The following CEP85L variants were observed in gnomAD, a reference collection of about 807,000 sequenced individuals.
CEP85L encodes centrosomal protein of 85 kDa-like.
CEP85L carries 60 observed loss-of-function variants against 100.3 expected under a neutral mutation model. The observed-to-expected ratio is 0.60, with a 90% CI of 0.49 to 0.74. CEP85L has a LOEUF of 0.74. Among genes scored for constraint, CEP85L ranks in the 30% least tolerant of loss-of-function variants. CEP85L has a pLI of 0.00. For synonymous variants in CEP85L, 319 were observed against 322.7 expected (o/e 0.99, Z 0.12); for missense variants, 973 against 936.2 (o/e 1.04, Z -0.51).
intron 1 of CEP85L, among the ~76,000 whole-genome samples, chr6:118,634,289 A>C (rs925509788): frequency 1.3e-5 from 2 of 152,200 alleles, no homozygotes; most frequent in African/African-American, 2.4e-5. Context: ...GTTGTTCTCT[A>C]TGTCAGTATT....
intron 1 of CEP85L, among the ~76,000 whole-genome samples, chr6:118,680,867 C>A (rs981616773): frequency 1.6e-5 from 2 of 128,316 alleles, no homozygotes; most frequent in African/African-American, 6.4e-5. Flanking sequence ...CACAGTGAGA[C>A]CTTGTGTCAA....
intron 1 of CEP85L, among the ~76,000 whole-genome samples, chr6:118,665,622 G>T (rs1776110554): frequency 6.6e-6 from 1 of 152,008 alleles, no homozygotes; most frequent in Non-Finnish European, 1.5e-5. Context: ...GCCTCCCAAA[G>T]TGCTGGAATT....
At chr6:118,666,211 T>C (rs1386137465) in intron 1 of CEP85L, among the ~76,000 whole-genome samples, 1 of 152,240 alleles carries the variant, frequency 6.6e-6, no homozygotes, top group Non-Finnish European at 1.5e-5. Context: ...TGTTTTATTA[T>C]GCAAAGCATT....
In CEP85L at chr6:118,565,663, TC is replaced by T; in HGVS notation, c.885del (p.Thr296LeufsTer25). 2.5e-6 allele frequency: 4 copies of T among 1,614,144 alleles called. 1 individual carries two copies. The South Asian group carries it at 4.4e-5, about 18-fold the overall frequency. On this transcript the variant is annotated frameshift_variant, in exon 3 of 13. Transcript: ENST00000368491. LOFTEE classifies it high-confidence loss of function. ...VGGVPIQPSV[R>X]TQMWLTEQLR... Reference sequence around the variant, plus strand: ...AGCTGCTCTGTAAGCCACATCTGAGTCCTTACGGAAGGCTGAATGGGAACTC... The same window carrying T: ...AGCTGCTCTGTAAGCCACATCTGAGTCTTACGGAAGGCTGAATGGGAACTC...
Position 118,523,845 on chromosome 6 carries a change from T to C in CEP85L, c.1096A>G (p.Ile366Val). Residue 366 changes from isoleucine (I) to valine (V), a missense_variant, in exon 4 of 13, where the codon ATA (isoleucine) becomes GTA (valine). Around this residue, in one of 3 missense-constraint regions of CEP85L, gnomAD observed 890 missense variants for 844.5 expected, o/e 1.05. Coordinates refer to ENST00000368491, the MANE Select transcript of CEP85L (RefSeq NM_001042475.3). Reference sequence around the variant, plus strand: ...TTCTGCCTTAGAAGTCCTTCTTTTATTTTCAACATTGATTCCCACTTACTG... The same window carrying C: ...TTCTGCCTTAGAAGTCCTTCTTTTACTTTCAACATTGATTCCCACTTACTG... Reference protein sequence around the residue: ...DFSKWESMLKIKEGLLRQKEI... With the variant: ...DFSKWESMLKVKEGLLRQKEI... 2 of 1,605,410 alleles carry C rather than the reference T, an allele frequency of 1.2e-6. No homozygotes were observed. Among genetic ancestry groups the C allele is most frequent in the Non-Finnish European group, 1.7e-6 (2 of 1,172,820 alleles).
At chr6:118,508,939 C>A (rs552410315) in intron 5 of CEP85L, among the ~76,000 whole-genome samples, 2 of 152,036 alleles carry the variant, frequency 1.3e-5, no homozygotes, top group African/African-American at 4.8e-5. Flanking sequence ...CTAACCCTCA[C>A]CATTTTATTG....
chr6:118,699,383 A>G (rs1421248001), intron 1 of CEP85L, among the ~76,000 whole-genome samples: 2 of 150,042 alleles, frequency 1.3e-5, no homozygotes, highest in Admixed American at 1.3e-4. Flanking sequence ...TGAGCCCAGG[A>G]GGTCAAGGCT....
chr6:118,590,644 T>A (rs923827603), intron 2 of CEP85L, among the ~76,000 whole-genome samples: 1 of 151,872 alleles, frequency 6.6e-6, no homozygotes, highest in Non-Finnish European at 1.5e-5. Context: ...ACACTCGGAG[T>A]TCCCCCTCTC....
chr6:118,641,474 G>A (rs1481161695), intron 1 of CEP85L, among the ~76,000 whole-genome samples: 2 of 152,114 alleles, frequency 1.3e-5, no homozygotes, highest in Non-Finnish European at 2.9e-5. Flanking sequence ...TAACATACAG[G>A]TTAACACTAG....
intron 1 of CEP85L, among the ~76,000 whole-genome samples, chr6:118,638,243 T>C (rs1774639666): frequency 6.6e-6 from 1 of 151,968 alleles, no homozygotes. Context: ...ACTATATAAA[T>C]TGATCTCCTC....
chr6:118,630,002 T>A (rs909648351), intron 2 of CEP85L, among the ~76,000 whole-genome samples: 1 of 152,224 alleles, frequency 6.6e-6, no homozygotes, highest in African/African-American at 2.4e-5. Flanking sequence ...AAAGATTTTC[T>A]TCTTGATAAG....
rs1780769808 is a variant in CEP85L, at chr6:118,584,880, G to A, written c.233-18564C>T. On this transcript the variant is annotated intron_variant, in intron 2 of 12. Coordinates refer to ENST00000368491, the MANE Select transcript of CEP85L (RefSeq NM_001042475.3). ...TTAAATATCAGGCCCTGCTGTTAAA[G>A]GGTTCCAACATCCAATTAAAGAATT... Among the ~76,000 whole-genome samples, 3 of 152,234 alleles carry A rather than the reference G, an allele frequency of 2.0e-5. No individual in the cohort carries two copies. The South Asian group carries it at 6.2e-4, about 32-fold the overall frequency.
At chr6:118,662,119 T>A (rs1775992445) in intron 1 of CEP85L, among the ~76,000 whole-genome samples, 1 of 152,202 alleles carries the variant, frequency 6.6e-6, no homozygotes, top group Non-Finnish European at 1.5e-5. Flanking sequence ...AAGGGGCGAA[T>A]AATTCACAAG....
intron 1 of CEP85L, among the ~76,000 whole-genome samples, chr6:118,703,670 A>G (rs1469998115): frequency 1.3e-5 from 2 of 152,228 alleles, no homozygotes; most frequent in Non-Finnish European, 2.9e-5. Context: ...GGAAAATGCT[A>G]TTCCTCTCCT....
chr6:118,699,012 TA>T (rs1777309079), intron 1 of CEP85L, among the ~76,000 whole-genome samples: 1 of 152,104 alleles, frequency 6.6e-6, no homozygotes, highest in Non-Finnish European at 1.5e-5. Context: ...AAACTGAAAA[TA>T]ATCCTAGCGA....
At chr6:118,549,384 A>G (rs1778401166) in intron 3 of CEP85L, among the ~76,000 whole-genome samples, 1 of 151,862 alleles carries the variant, frequency 6.6e-6, no homozygotes, top group African/African-American at 2.4e-5. Flanking sequence ...ACAATCCTCA[A>G]TTTAGTAAAT....
At chr6:118,651,131 G>A (rs917293823) in intron 1 of CEP85L, 66 bp downstream of exon 1, 8 of 1,441,842 alleles carry the variant, frequency 5.5e-6, no homozygotes, top group Non-Finnish European at 6.3e-6. Flanking sequence ...GAGCGGCGGC[G>A]AGGTCCCGAG....
At chr6:118,539,399 C>T (rs939975296) in intron 3 of CEP85L, among the ~76,000 whole-genome samples, 2 of 152,074 alleles carry the variant, frequency 1.3e-5, no homozygotes, top group African/African-American at 2.4e-5. Context: ...AGTTGTTAGT[C>T]GGCTATACCA....
At chr6:118,513,694 T>C (rs925566478) in intron 4 of CEP85L, among the ~76,000 whole-genome samples, 1 of 151,990 alleles carries the variant, frequency 6.6e-6, no homozygotes, top group Non-Finnish European at 1.5e-5. Context: ...TAAATAAAGA[T>C]CTTTTTTGGA....
Sources: allele counts gnomAD v4.1 joint callset (sites outside exome capture counted in the v4.1 genomes callset), GRCh38; gene constraint gnomAD v4.1.1; regional missense constraint gnomAD v4.1.1; transcripts MANE v1.5; gene names NCBI Gene and HGNC (gene_info 2026-07-23, HGNC 2026-07-21).